Variants in ATP2A2 observed in about 807,000 individuals in gnomAD.
The protein encoded by ATP2A2 is sarcoplasmic/endoplasmic reticulum calcium ATPase 2.
ATP2A2 carries 14 observed loss-of-function variants against 109.3 expected under a neutral mutation model. That is an observed-to-expected ratio of 0.13 (90% CI 0.08 to 0.20). The LOEUF is 0.20. Ranked by LOEUF, ATP2A2 falls within the 10% of genes least tolerant of loss-of-function variation. The pLI is 1.00. For missense variants in ATP2A2, 657 were observed against 1,321.6 expected, an observed-to-expected ratio of 0.50 and a Z score of 7.80; for synonymous variants, 506 against 490.9, an observed-to-expected ratio of 1.03 and a Z score of -0.41.
At position 110,350,392 on chromosome 12, in the gene ATP2A2, A is replaced by G; in HGVS notation, c.*3922A>G. 2 of 1,602,970 alleles carry G rather than the reference A, an allele frequency of 1.2e-6. No homozygotes were observed. Among genetic ancestry groups the G allele is most frequent in the Non-Finnish European group, 8.5e-7 (1 of 1,170,874 alleles). ...AGCAACACATCTACCAACCCTGTGC[A>G]TGACTGATGTTGGGGAAAAAGAAAA... is the stretch of plus-strand genomic sequence containing the variant. On this transcript the variant is annotated 3_prime_UTR_variant, in exon 20 of 20. Transcript: ENST00000539276.
chr12:110,281,708 G>T lies in ATP2A2; in HGVS notation c.-82G>T. On this transcript the variant is annotated 5_prime_UTR_variant, in exon 1 of 20. Coordinates refer to ENST00000539276, the MANE Select transcript of ATP2A2 (RefSeq NM_170665.4). ...CGTCCGCGCCTGGGCTCCCGGGGTG[G>T]CACGAGCCCGCGGCCGGAGTGCGAG... 1 of 998,754 alleles carries T rather than the reference G, an allele frequency of 1.0e-6. No homozygotes were observed. The allele number at this position is 998,754 out of a possible 1,614,324, so 61.9% of individuals were successfully genotyped here.
intron 5 of ATP2A2, among the ~76,000 whole-genome samples, chr12:110,297,434 C>CAAAA (rs5800888): frequency 1.6e-5 from 1 of 62,906 alleles, no homozygotes; most frequent in African/African-American, 4.7e-5. Context: ...GACTTCATCT[C>CAAAA]AAAAAAAAAA....
rs113981091 is a variant in ATP2A2, at chr12:110,328,409, G to A, written c.1095+392G>A. Reference sequence around the variant, plus strand: ...AAAATGGTGAAACCCTGTCTCTACCGAAAAGACAAAAATTAGCTGAGTGGT... The same window carrying A: ...AAAATGGTGAAACCCTGTCTCTACCAAAAAGACAAAAATTAGCTGAGTGGT... On this transcript the variant is annotated intron_variant, in intron 8 of 19. Transcript: ENST00000539276. 9.4e-4 allele frequency among the ~76,000 whole-genome samples: 143 copies of A among 152,078 alleles called. 1 individual carries two copies. Among genetic ancestry groups the A allele is most frequent in the African/African-American group, 2.9e-3 (120 of 41,508 alleles).
intron 8 of ATP2A2, chr12:110,331,363 C>A (rs775969894): frequency 6.6e-6 from 1 of 152,016 alleles, no homozygotes. Context: ...GCTGTTATTA[C>A]GGAGTTTTGC....
At chr12:110,337,581 C>A (rs1379635457) in intron 11 of ATP2A2, among the ~76,000 whole-genome samples, 3 of 152,240 alleles carry the variant, frequency 2.0e-5, no homozygotes, top group African/African-American at 7.2e-5. Flanking sequence ...GGGCCCTGAG[C>A]CCCATCTAGT....
intron 4 of ATP2A2, 126 bp downstream of exon 4, chr12:110,292,250 T>C: frequency 2.6e-6 from 2 of 769,554 alleles, no homozygotes; most frequent in East Asian, 2.7e-5. Flanking sequence ...GAAGTTTACA[T>C]GTATTTTCCC....
At chr12:110,333,897 CTTACAGTGTTGTAA>C in intron 10 of ATP2A2, 101 bp from the exon 11 acceptor site, 1 of 1,409,074 alleles carries the variant, frequency 7.1e-7, no homozygotes, top group Non-Finnish European at 9.9e-7. Flanking sequence ...TAAAAATGGC[CTTACAGTGTTGTAA>C]TAGAGGACAG....
In ATP2A2 at chr12:110,340,107, T is replaced by C. The variant is rs988032506; in HGVS notation, c.1761+386T>C. ...TTCCACTTTTCTACTCAGAGTAGAA[T>C]TCTTTTATATCAAGGATGTGACATC... On this transcript the variant is annotated intron_variant, in intron 13 of 19. Coordinates refer to ENST00000539276, the MANE Select transcript of ATP2A2 (RefSeq NM_170665.4). The surrounding 1 kb of genome is among the most constrained non-coding windows in gnomAD (Gnocchi z 6.0). Among the ~76,000 whole-genome samples, 7 of 152,218 alleles carry C rather than the reference T, an allele frequency of 4.6e-5. No homozygotes were observed. The highest frequency in any genetic ancestry group is 5.9e-5 in the Non-Finnish European group (4 of 68,036).
chr12:110,293,016 T>C (rs1873484199), intron 4 of ATP2A2, among the ~76,000 whole-genome samples: 1 of 152,226 alleles, frequency 6.6e-6, no homozygotes, highest in African/African-American at 2.4e-5. Flanking sequence ...TTAAAATTCA[T>C]GTTAAGTGTT....
intron 5 of ATP2A2, among the ~76,000 whole-genome samples, chr12:110,310,527 T>G (rs1316816842): frequency 6.6e-6 from 1 of 151,518 alleles, no homozygotes; most frequent in Non-Finnish European, 1.5e-5. Flanking sequence ...AAAACAAACT[T>G]TATGTATCTT....
intron 11 of ATP2A2, among the ~76,000 whole-genome samples, chr12:110,338,280 A>G (rs1218356191): frequency 6.6e-6 from 1 of 152,238 alleles, no homozygotes; most frequent in Non-Finnish European, 1.5e-5. Flanking sequence ...CCCTAGCCAT[A>G]TTCACTTAAA....
chr12:110,334,254 C>T lies in ATP2A2; in HGVS notation c.1419+111C>T, dbSNP rs1878619843. On this transcript the variant is annotated intron_variant, in intron 11 of 19. Transcript: ENST00000539276. ...GAAAACTAATTATACCTTATCTCCT[C>T]AAACTTACAGTATTTCCTTCCCCAT... 7.6e-6 allele frequency: 10 copies of T among 1,317,018 alleles called. No homozygotes were observed. The South Asian group carries it at 8.4e-5, about 11-fold the overall frequency. 81.6% of individuals were successfully genotyped at this position (1,317,018 alleles called of 1,614,324 possible).
In ATP2A2 at chr12:110,344,962, C is replaced by G. The variant is rs538399392; in HGVS notation, c.2598C>G (p.Phe866Leu). ...CTGACGGTGGTCCAAGAGTGTCCTT[C>G]TACCAGCTGGTACTCAGTCACCTTT... ...IAADGGPRVS[F>L]YQLSHFLQCK... The change falls in exon 17 of 20, where the codon TTC (phenylalanine) becomes TTG (leucine). Residue 866 changes from phenylalanine to leucine, a missense_variant. Physicochemically the swap from Phe to Leu is conservative, Grantham distance 22. This residue lies in a region of ATP2A2 where 125 missense variants were observed against 243.5 expected (regional missense o/e 0.51). Transcript: ENST00000539276. 1.2e-6 allele frequency: 2 copies of G among 1,614,108 alleles called. No individual in the cohort carries two copies. The highest frequency in any genetic ancestry group is 1.7e-6 in the Non-Finnish European group (2 of 1,179,984).
At chr12:110,302,279 C>T (rs1874741055) in intron 5 of ATP2A2, among the ~76,000 whole-genome samples, 2 of 152,064 alleles carry the variant, frequency 1.3e-5, no homozygotes. Flanking sequence ...CTTCCAGTTC[C>T]CCTCTTCCCT....
chr12:110,313,974 C>T (rs978291053), intron 5 of ATP2A2, among the ~76,000 whole-genome samples: 9 of 151,636 alleles, frequency 5.9e-5, no homozygotes, highest in African/African-American at 2.2e-4. Context: ...GTCAGCCTCC[C>T]AAAGTGTTGG....
In ATP2A2 at chr12:110,348,768, G is replaced by A. The variant is rs907727421; in HGVS notation, c.*2298G>A. ...GCAGGCAGCTGTGGCTCTCGGGAAG[G>A]GAGGCTGCTTTGCCCAGCAGGGAAC... is the stretch of plus-strand genomic sequence containing the variant. On this transcript the variant is annotated 3_prime_UTR_variant, in exon 20 of 20. Transcript: ENST00000539276. 2 of 985,506 alleles carry A rather than the reference G, an allele frequency of 2.0e-6. No homozygotes were observed. Among genetic ancestry groups the A allele is most frequent in the South Asian group, 4.7e-5 (1 of 21,290 alleles). The allele number at this position is 985,506 out of a possible 1,614,324, so 61.0% of individuals were successfully genotyped here. A position where few individuals can be genotyped will look rare whatever the true frequency, so the allele number is the denominator to read the frequency against.
chr12:110,297,215 A>C (rs1030675576), intron 5 of ATP2A2, among the ~76,000 whole-genome samples: 2 of 152,214 alleles, frequency 1.3e-5, no homozygotes, highest in East Asian at 3.9e-4. Flanking sequence ...CGAGGCAGGC[A>C]GATCACGAGG....
chr12:110,313,309 C>CGTT, intron 5 of ATP2A2, among the ~76,000 whole-genome samples: 1 of 124,956 alleles, frequency 8.0e-6, no homozygotes, highest in Non-Finnish European at 1.6e-5. Context: ...AACCACCTTT[C>CGTT]CTTTTTTTTT....
Position 110,322,476 on chromosome 12 carries a change from CA to C in ATP2A2, c.464-505del, listed in dbSNP as rs768264484. 3.7e-4 allele frequency among the ~76,000 whole-genome samples: 52 copies of C among 141,776 alleles called. 1 individual carries two copies. Among genetic ancestry groups the C allele is most frequent in the South Asian group, 4.5e-4 (2 of 4,462 alleles). 93.0% of individuals were successfully genotyped at this position (141,776 alleles called of 152,430 possible). A position where few individuals can be genotyped will look rare whatever the true frequency, so the allele number is the denominator to read the frequency against. On this transcript the variant is annotated intron_variant, in intron 5 of 19. Transcript: ENST00000539276. ...TGGGTGACAGAGCAAGGCCCTGTCTCAAAAAAAAAAAGTGGTGTTACTGTGT... is the reference window on the plus strand; with the variant it reads ...TGGGTGACAGAGCAAGGCCCTGTCTCAAAAAAAAAAGTGGTGTTACTGTGT...
Sources: gnomAD v4.1 joint callset for allele counts (sites outside exome capture counted in the v4.1 genomes callset) on GRCh38, gnomAD v4.1.1 for gene constraint, gnomAD v4.1.1 regional missense constraint, Gnocchi (gnomAD v3.1) non-coding constraint, MANE v1.5 for transcripts, NCBI Gene and HGNC (gene_info 2026-07-23, HGNC 2026-07-21) for gene names.